RBPMS2: variants seen among roughly 807,000 people sequenced by gnomAD.
RBPMS2 encodes the protein RNA-binding protein with multiple splicing 2.
In RBPMS2, 14 loss-of-function variants were observed where a neutral mutation model predicts 25.7. The ratio of observed to expected loss-of-function variants is 0.55; its 90% CI spans 0.36 to 0.85. The LOEUF (loss-of-function observed/expected upper bound fraction) is 0.85. RBPMS2 is among the 40% of genes least tolerant of loss of function. The pLI is 0.01. For synonymous variants in RBPMS2, 127 were observed against 115.6 expected (o/e 1.10, Z -0.63); for missense variants, 252 against 283.4 (o/e 0.89, Z 0.80).
Position 64,740,801 on chromosome 15 carries a change from T to C in RBPMS2, c.*207A>G, listed in dbSNP as rs560726247. The C allele has an allele frequency of 1.2e-4, 20 of 164,630 alleles. No homozygotes were observed. The highest frequency in any genetic ancestry group is 2.0e-4 in the Non-Finnish European group (15 of 75,404). The allele number at this position is 164,630 out of a possible 1,614,324, so 10.2% of individuals were successfully genotyped here. On this transcript the variant is annotated 3_prime_UTR_variant, in exon 8 of 8. Coordinates refer to ENST00000300069, the MANE Select transcript of RBPMS2 (RefSeq NM_194272.3). ...AGTCCCCAAATCCTCCTGGGAGGCATTGGAGAAAGGCTTGAGGGTGCAGAA... is the reference window on the plus strand; with the variant it reads ...AGTCCCCAAATCCTCCTGGGAGGCACTGGAGAAAGGCTTGAGGGTGCAGAA...
intron 1 of RBPMS2, among the ~76,000 whole-genome samples, chr15:64,758,170 T>C (rs2083751368): frequency 6.6e-6 from 1 of 152,148 alleles, no homozygotes; most frequent in Non-Finnish European, 1.5e-5. Flanking sequence ...GTTCTCACAA[T>C]CTCAGGCTGC....
chr15:64,764,780 T>C (rs1432339813), intron 1 of RBPMS2, among the ~76,000 whole-genome samples: 2 of 149,816 alleles, frequency 1.3e-5, no homozygotes, highest in Non-Finnish European at 3.0e-5. Context: ...TAGCCGGGCA[T>C]GGTGGTGGGC....
chr15:64,762,995 C>A (rs370474356), intron 1 of RBPMS2, among the ~76,000 whole-genome samples: 1 of 150,280 alleles, frequency 6.7e-6, no homozygotes. Context: ...AACGTTAGGG[C>A]TGCCGAACAG....
At chr15:64,744,798 G>GTTTTTTTTTTTTTTTT (rs748967917) in intron 6 of RBPMS2, among the ~76,000 whole-genome samples, 12 of 46,298 alleles carry the variant, frequency 2.6e-4, no homozygotes, top group African/African-American at 8.1e-4. Context: ...GGTTTGTTTT[G>GTTTTTTTTTTTTTTTT]TTTTTTTTTT....
chr15:64,748,621 A>ACCCTTCTCCC (rs2053169726), intron 5 of RBPMS2, 54 bp from the exon 6 acceptor site: 7 of 1,503,494 alleles, frequency 4.7e-6, no homozygotes, highest in Admixed American at 4.6e-5. Context: ...CCCCTTCCAA[A>ACCCTTCTCCC]CGGAGAAGGG....
chr15:64,765,226 C>CAAA (rs34231406), intron 1 of RBPMS2, among the ~76,000 whole-genome samples: 17 of 50,894 alleles, frequency 3.3e-4, no homozygotes, highest in African/African-American at 7.2e-4. Context: ...GACTCTGTCT[C>CAAA]AAAAAAAAAA....
Position 64,751,643 on chromosome 15 carries a change from A to T in RBPMS2, c.88-5T>A, listed in dbSNP as rs371041657. 5.5e-5 allele frequency: 88 copies of T among 1,613,418 alleles called. 2 individuals carry two copies. Among genetic ancestry groups the T allele is most frequent in the East Asian group, 4.2e-4 (19 of 44,898 alleles). On this transcript the variant is annotated splice_polypyrimidine_tract_variant and splice_region_variant and intron_variant, in intron 1 of 7. Transcript: ENST00000300069. ...GCTGACAAACAGTGTCCGGACCTGGAGACAGAGACCAGTGATCAGGGCCAG... is the reference window on the plus strand; with the variant it reads ...GCTGACAAACAGTGTCCGGACCTGGTGACAGAGACCAGTGATCAGGGCCAG...
intron 1 of RBPMS2, among the ~76,000 whole-genome samples, chr15:64,764,795 G>A (rs2083827605): frequency 6.6e-6 from 1 of 151,692 alleles, no homozygotes; most frequent in African/African-American, 2.4e-5. Flanking sequence ...GTGGGCGTCT[G>A]TAGTCCCAGC....
At chr15:64,757,869 G>A (rs1416078206) in intron 1 of RBPMS2, among the ~76,000 whole-genome samples, 2 of 152,086 alleles carry the variant, frequency 1.3e-5, no homozygotes, top group African/African-American at 2.4e-5. Flanking sequence ...TGAGCAACTC[G>A]GGAGGCTGAG....
At chr15:64,758,107 A>C (rs1348188682) in intron 1 of RBPMS2, among the ~76,000 whole-genome samples, 1 of 152,224 alleles carries the variant, frequency 6.6e-6, no homozygotes, top group Non-Finnish European at 1.5e-5. Context: ...TTATTACAAG[A>C]ATTCAGCACA....
rs2141050418 is a variant in RBPMS2 at position 64,740,511 on chromosome 15, G to A, written c.*497C>T. The A allele has an allele frequency of 6.6e-6, 1 of 152,188 alleles. No homozygotes were observed. The highest frequency in any genetic ancestry group is 1.9e-4 in the East Asian group (1 of 5,180). 9.4% of individuals were successfully genotyped at this position (152,188 alleles called of 1,614,324 possible). ...ACGGAACTTGGGCCTCCCTGAAGCG[G>A]GGTGGGTGCAGGGGCGGGGCGAGGA... On this transcript the variant is annotated 3_prime_UTR_variant, in exon 8 of 8. Transcript: ENST00000300069.
intron 1 of RBPMS2, among the ~76,000 whole-genome samples, chr15:64,768,970 G>A (rs62015695): frequency 0.044 from 6,695 of 150,466 alleles, 370 homozygotes; most frequent in South Asian, 0.26. Flanking sequence ...GCATGGTGGC[G>A]GGCACCTGTA....
In RBPMS2 at chr15:64,748,553, C is replaced by A. The variant is rs772809560; in HGVS notation, c.433G>T (p.Ala145Ser). Residue 145 changes from alanine (A) to serine (S), a missense_variant, in exon 6 of 8, where the codon GCT becomes TCT. By Grantham distance (99) the Ala-to-Ser change is moderately conservative (BLOSUM62 1). Transcript: ENST00000300069. ...IARDPYDLMG[A>S]ALIPASPEAW... is the part of the protein sequence containing the mutation. ...TCTGGGGATGCAGGGATCAGAGCAG[C>A]CCCCATCAGGTCATCTACAACAGGA... 45 of 1,567,208 alleles carry A rather than the reference C, an allele frequency of 2.9e-5. No individual in the cohort carries two copies. The highest frequency in any genetic ancestry group is 5.9e-5 in the Admixed American group (3 of 51,152).
At chr15:64,748,311 A>C (rs2083637859) in intron 6 of RBPMS2, 108 bp downstream of exon 6, 1 of 1,184,218 alleles carries the variant, frequency 8.4e-7, no homozygotes, top group African/African-American at 1.6e-5. Context: ...GGAAGACAAG[A>C]GTTCTGCTGC....
rs2083911835 is a variant in RBPMS2 at position 64,774,238 on chromosome 15, T to C, written c.87+995A>G. On this transcript the variant is annotated intron_variant, in intron 1 of 7. Transcript: ENST00000300069. ...GGTGGATAACCAGCCCTTGGTTTCC[T>C]GGGCGAGAACATGCCAGGGCAGGGG... Among the ~76,000 whole-genome samples, 11 of 152,318 alleles carry C rather than the reference T, an allele frequency of 7.2e-5. No homozygotes were observed. In the South Asian group the frequency reaches 2.3e-3, roughly 32 times the overall value.
At chr15:64,750,231 G>C (rs771353325) in intron 3 of RBPMS2, 112 bp downstream of exon 3, 1 of 930,306 alleles carries the variant, frequency 1.1e-6, no homozygotes, top group Non-Finnish European at 1.8e-6. Flanking sequence ...AACAGGGAGC[G>C]CAAGTCTGTA....
intron 6 of RBPMS2, among the ~76,000 whole-genome samples, chr15:64,746,205 T>C (rs2083617064): frequency 6.6e-6 from 1 of 152,126 alleles, no homozygotes; most frequent in Admixed American, 6.5e-5. Flanking sequence ...AATGACTCCC[T>C]GGTCTAATCT....
rs373843292 is a variant in RBPMS2 at position 64,754,290 on chromosome 15, C to T, written c.88-2652G>A. Among the ~76,000 whole-genome samples the T allele has an allele frequency of 1.2e-3, 178 of 151,722 alleles. 1 individual carries two copies. The highest frequency in any genetic ancestry group is 3.8e-3 in the African/African-American group (159 of 41,336). On this transcript the variant is annotated intron_variant, in intron 1 of 7. Transcript: ENST00000300069. ...TCGCACCACTGCACTCCAGCATGGG[C>T]GACAGAGTGAGACTCCATCTCAGAA...
intron 1 of RBPMS2, among the ~76,000 whole-genome samples, chr15:64,766,533 T>TA (rs1213851822): frequency 1.3e-5 from 2 of 151,080 alleles, no homozygotes; most frequent in African/African-American, 4.8e-5. Context: ...ATGGTGGCTT[T>TA]TTTTTTTTTT....
Sources: allele counts gnomAD v4.1 joint callset (sites outside exome capture counted in the v4.1 genomes callset), GRCh38; gene constraint gnomAD v4.1.1; transcripts MANE v1.5; gene names NCBI Gene and HGNC (gene_info 2026-07-23, HGNC 2026-07-21).